Variants in SGCZ observed in about 807,000 individuals in gnomAD.
SGCZ encodes sarcoglycan zeta, also known as zeta-sarcoglycan.
SGCZ carries 40 observed loss-of-function variants against 41.3 expected under a neutral mutation model. The observed-to-expected ratio is 0.97, with a 90% CI of 0.75 to 1.26. SGCZ has a LOEUF of 1.26. Ranked by LOEUF, SGCZ falls within the 50% of genes most tolerant of loss-of-function variation. The pLI is 0.00. For missense variants in SGCZ, 552 were observed against 369.8 expected, an observed-to-expected ratio of 1.49 and a Z score of -4.04; for synonymous variants, 206 against 137.5, an observed-to-expected ratio of 1.50 and a Z score of -3.49.
intron 1 of SGCZ, among the ~76,000 whole-genome samples, chr8:14,869,718 G>A (rs1387004307): frequency 6.6e-6 from 1 of 152,102 alleles, no homozygotes; most frequent in Non-Finnish European, 1.5e-5. Context: ...ATCTCTTTAA[G>A]GTGATAAGCA....
rs554578686 is a variant in SGCZ, at chr8:14,668,016, G to A, written c.40-113090C>T. On this transcript the variant is annotated intron_variant, in intron 1 of 7. Transcript: ENST00000382080. ...CTGTCGCCCAGGCTGTAGTGCAGTG[G>A]CACAATCCCGGCTCACTGCAACCTC... 7.9e-5 allele frequency among the ~76,000 whole-genome samples: 12 copies of A among 152,222 alleles called. No homozygotes were observed. The East Asian group carries it at 1.9e-3, about 25-fold the overall frequency.
intron 5 of SGCZ, among the ~76,000 whole-genome samples, chr8:14,163,087 G>C (rs1037382016): frequency 5.5e-4 from 83 of 152,204 alleles, no homozygotes; most frequent in African/African-American, 2.0e-3. Flanking sequence ...GCCCAGGCTG[G>C]ACTTGAACCA....
chr8:14,746,695 C>T (rs1224805078), intron 1 of SGCZ, among the ~76,000 whole-genome samples: 1 of 152,148 alleles, frequency 6.6e-6, no homozygotes, highest in Non-Finnish European at 1.5e-5. Context: ...CAAAAGTCAT[C>T]ATGATTATAT....
At chr8:15,079,140 A>T (rs73522889) in intron 1 of SGCZ, among the ~76,000 whole-genome samples, 5,357 of 152,180 alleles carry the variant, frequency 0.035, 309 homozygotes, top group African/African-American at 0.12. Flanking sequence ...TGACTTTTAC[A>T]TTCTTTTTTG....
chr8:15,164,959 T>C (rs1280623401), intron 1 of SGCZ, among the ~76,000 whole-genome samples: 1 of 152,140 alleles, frequency 6.6e-6, no homozygotes. Context: ...AACTGGGTTT[T>C]CTTCTGCCTG....
intron 1 of SGCZ, among the ~76,000 whole-genome samples, chr8:14,708,320 TGAGA>T (rs1809396778): frequency 6.6e-6 from 1 of 152,034 alleles, no homozygotes; most frequent in Non-Finnish European, 1.5e-5. Context: ...AGAAATCTCT[TGAGA>T]TAGTAAATAT....
chr8:14,807,763 G>C (rs1352556243), intron 1 of SGCZ, among the ~76,000 whole-genome samples: 1 of 151,482 alleles, frequency 6.6e-6, no homozygotes, highest in East Asian at 1.9e-4. Flanking sequence ...AAAAGAGCCC[G>C]CATCACCAAG....
At chr8:14,593,748 T>G (rs997355451) in intron 1 of SGCZ, among the ~76,000 whole-genome samples, 2 of 152,186 alleles carry the variant, frequency 1.3e-5, no homozygotes, top group South Asian at 4.1e-4. Flanking sequence ...ACATTTTACA[T>G]TGGATTGAAT....
intron 1 of SGCZ, among the ~76,000 whole-genome samples, chr8:14,672,324 C>A (rs565739124): frequency 6.6e-6 from 1 of 152,010 alleles, no homozygotes; most frequent in Non-Finnish European, 1.5e-5. Flanking sequence ...TATTCCATAG[C>A]GGAAAACCAG....
At chr8:14,332,377 C>T (rs1017518401) in intron 2 of SGCZ, among the ~76,000 whole-genome samples, 5 of 151,958 alleles carry the variant, frequency 3.3e-5, no homozygotes, top group African/African-American at 9.7e-5. Context: ...GGAGGCGGAG[C>T]TTGCGGTGAG....
intron 2 of SGCZ, among the ~76,000 whole-genome samples, chr8:14,404,192 G>T (rs1799151434): frequency 6.6e-6 from 1 of 152,110 alleles, no homozygotes; most frequent in Non-Finnish European, 1.5e-5. Flanking sequence ...AGCTGTAATT[G>T]TATCTATATA....
At chr8:14,884,160 C>A (rs1403248759) in intron 1 of SGCZ, among the ~76,000 whole-genome samples, 1 of 152,092 alleles carries the variant, frequency 6.6e-6, no homozygotes, top group Admixed American at 6.6e-5. Flanking sequence ...TAAACAATCA[C>A]AACGTTTCTC....
intron 1 of SGCZ, among the ~76,000 whole-genome samples, chr8:14,985,497 G>C (rs978354045): frequency 1.3e-5 from 2 of 152,100 alleles, no homozygotes; most frequent in East Asian, 1.9e-4. Flanking sequence ...AGAAAACCAG[G>C]GGCTAAAATG....
chr8:14,224,453 A>T (rs1483115032), intron 4 of SGCZ, among the ~76,000 whole-genome samples: 2 of 152,190 alleles, frequency 1.3e-5, no homozygotes, highest in Non-Finnish European at 2.9e-5. Context: ...GAGTTGGAAA[A>T]TCCTTTAAAC....
At chr8:14,584,234 A>C (rs1220921530) in intron 1 of SGCZ, among the ~76,000 whole-genome samples, 1 of 152,168 alleles carries the variant, frequency 6.6e-6, no homozygotes, top group African/African-American at 2.4e-5. Context: ...AGTAAAATTT[A>C]AATCATGAAA....
At chr8:14,254,786 T>C (rs1035269373) in intron 3 of SGCZ, among the ~76,000 whole-genome samples, 1 of 152,146 alleles carries the variant, frequency 6.6e-6, no homozygotes, top group Non-Finnish European at 1.5e-5. Flanking sequence ...ATGTGTGAGA[T>C]TCATTATTCT....
intron 2 of SGCZ, among the ~76,000 whole-genome samples, chr8:14,452,961 G>T (rs1800637192): frequency 6.6e-6 from 1 of 151,814 alleles, no homozygotes; most frequent in African/African-American, 2.4e-5. Flanking sequence ...AAATTAGCTG[G>T]GTGTGATAGC....
chr8:15,033,159 A>C (rs536339273), intron 1 of SGCZ, among the ~76,000 whole-genome samples: 1 of 150,222 alleles, frequency 6.7e-6, no homozygotes, highest in African/African-American at 2.5e-5. Context: ...ACTAGACCCC[A>C]AGTCTGAATG....
intron 1 of SGCZ, among the ~76,000 whole-genome samples, chr8:14,817,081 A>G (rs1801926894): frequency 6.6e-6 from 1 of 152,152 alleles, no homozygotes; most frequent in Non-Finnish European, 1.5e-5. Flanking sequence ...CTTCCACACT[A>G]TTTTGGTTCA....
Sources: gnomAD v4.1 joint callset for allele counts (sites outside exome capture counted in the v4.1 genomes callset) on GRCh38, gnomAD v4.1.1 for gene constraint, MANE v1.5 for transcripts, NCBI Gene and HGNC (gene_info 2026-07-23, HGNC 2026-07-21) for gene names.